Variants in NBPF11 observed in about 807,000 individuals in gnomAD.
NBPF11 encodes the protein NBPF family member NBPF11.
NBPF11 carries 72 observed loss-of-function variants against 93.9 expected under a neutral mutation model. The ratio of observed to expected loss-of-function variants is 0.77; its 90% confidence interval spans 0.63 to 0.93. The LOEUF is 0.93. Among genes scored for constraint, NBPF11 ranks in the 40% least tolerant of loss-of-function variants. NBPF11 has a pLI of 0.00. For missense variants in NBPF11, 705 were observed against 802.2 expected (o/e 0.88, Z 1.46); for synonymous variants, 224 against 304.9 (o/e 0.73, Z 2.76).
At chr1:148,110,984 A>T (rs1665113197) in intron 15 of NBPF11, among the ~76,000 whole-genome samples, 1 of 151,630 alleles carries the variant, frequency 6.6e-6, no homozygotes, top group Non-Finnish European at 1.5e-5. Flanking sequence ...TTACTTTTTC[A>T]ATTTCTTTTC....
rs1247412253 is a variant in NBPF11, at chr1:148,120,516, G to A, written c.973C>T (p.Gln325Ter). 6.9e-5 allele frequency: 63 copies of A among 915,662 alleles called. No homozygotes were observed. Among genetic ancestry groups the A allele is most frequent in the Non-Finnish European group, 1.1e-4 (61 of 542,824 alleles). 56.7% of individuals were successfully genotyped at this position (915,662 alleles called of 1,614,324 possible). A position where few individuals can be genotyped will look rare whatever the true frequency, so the allele number is the denominator to read the frequency against. ...VTQVACFLAK[Q>*]QNKYKYEECK... ...TAGATCTTACTGTATTTGTTCTGCTGCTTGGCCAGGAAGCAGGCCACTTGA... is the reference window on the plus strand; with the variant it reads ...TAGATCTTACTGTATTTGTTCTGCTACTTGGCCAGGAAGCAGGCCACTTGA... The change falls in exon 10 of 24, where the codon CAG becomes TAG. Residue 325 changes from glutamine to a stop codon, truncating the protein, a stop_gained. Coordinates refer to ENST00000682118, the MANE Select transcript of NBPF11 (RefSeq NM_001385469.3). LOFTEE classifies it high-confidence loss of function.
intron 2 of NBPF11, among the ~76,000 whole-genome samples, chr1:148,141,896 G>A (rs1345623733): frequency 6.6e-6 from 1 of 151,716 alleles, no homozygotes; most frequent in Non-Finnish European, 1.5e-5. Flanking sequence ...GTAGATTTCA[G>A]TGCAGTGTGG....
chr1:148,149,175 C>T lies in NBPF11; in HGVS notation c.-549+2575G>A, dbSNP rs1458179483. 1.6e-5 allele frequency: 26 copies of T among 1,589,392 alleles called. 1 individual carries two copies. In the East Asian group the frequency reaches 1.8e-4, roughly 11 times the overall value. ...GGCGCCGCCAGGTACGGCATCAGCC[C>T]GGACAGCATCATCCTGTACGGGCAG... On this transcript the variant is annotated intron_variant, in intron 1 of 23. Transcript: ENST00000682118.
At chr1:148,149,622 G>T in intron 1 of NBPF11, 18 of 1,519,236 alleles carry the variant, frequency 1.2e-5, no homozygotes, top group Non-Finnish European at 1.5e-5. Context: ...ACCTCACCCC[G>T]CGCCGGCCCC....
intron 4 of NBPF11, among the ~76,000 whole-genome samples, chr1:148,132,252 T>G (rs1670514521): frequency 6.8e-6 from 1 of 146,106 alleles, no homozygotes; most frequent in African/African-American, 2.6e-5. Flanking sequence ...TGTGTGTGTG[T>G]GTGGGGGTGT....
intron 3 of NBPF11, among the ~76,000 whole-genome samples, chr1:148,136,069 TAG>T (rs1671225109): frequency 6.6e-6 from 1 of 151,920 alleles, no homozygotes; most frequent in Non-Finnish European, 1.5e-5. Context: ...TACATGTATA[TAG>T]AGAGGCCTCT....
intron 9 of NBPF11, among the ~76,000 whole-genome samples, chr1:148,121,556 C>G (rs1469737049): frequency 4.0e-5 from 6 of 151,504 alleles, no homozygotes; most frequent in Admixed American, 3.3e-4. Flanking sequence ...GGGGTTTCAC[C>G]GTGTTAGCCA....
At chr1:148,113,352 A>C (rs1407901887) in intron 15 of NBPF11, among the ~76,000 whole-genome samples, 8 of 151,908 alleles carry the variant, frequency 5.3e-5, no homozygotes, top group African/African-American at 1.7e-4. Flanking sequence ...TTAAACCAAC[A>C]AAGATCAAAA....
At chr1:148,113,235 CAG>C in intron 15 of NBPF11, among the ~76,000 whole-genome samples, 2 of 152,010 alleles carry the variant, frequency 1.3e-5, no homozygotes, top group South Asian at 4.1e-4. Flanking sequence ...ATCTCACATG[CAG>C]AGACACACAT....
At chr1:148,125,384 C>T (rs1162002570) in intron 5 of NBPF11, among the ~76,000 whole-genome samples, 7 of 152,036 alleles carry the variant, frequency 4.6e-5, no homozygotes, top group African/African-American at 1.7e-4. Context: ...GTCAGGAAGG[C>T]CCCTAGGACT....
intron 1 of NBPF11, 132 bp from the exon 2 acceptor site, chr1:148,143,818 G>C (rs1375420030): frequency 3.9e-5 from 6 of 152,110 alleles, no homozygotes; most frequent in Non-Finnish European, 7.3e-5. Flanking sequence ...TGGGGAACTA[G>C]AGTTGGTTGG....
chr1:148,149,221 C>T (rs2149315907), intron 1 of NBPF11: 1 of 1,549,082 alleles, frequency 6.5e-7, no homozygotes, highest in Non-Finnish European at 8.7e-7. Flanking sequence ...CGGTGCCCAC[C>T]ATGGACCTGG....
intron 9 of NBPF11, among the ~76,000 whole-genome samples, chr1:148,121,676 C>T (rs1571445964): frequency 6.6e-6 from 1 of 151,844 alleles, no homozygotes; most frequent in African/African-American, 2.4e-5. Context: ...ATAGCTAAGA[C>T]AAGCCAATGA....
intron 1 of NBPF11, among the ~76,000 whole-genome samples, chr1:148,148,568 C>A (rs1647343352): frequency 6.6e-6 from 1 of 152,016 alleles, no homozygotes; most frequent in South Asian, 2.1e-4. Flanking sequence ...GGGGGTGCCA[C>A]CTCCGCAGCC....
At chr1:148,111,358 G>T (rs1297039743) in intron 15 of NBPF11, among the ~76,000 whole-genome samples, 1 of 152,112 alleles carries the variant, frequency 6.6e-6, no homozygotes, top group African/African-American at 2.4e-5. Flanking sequence ...CCAAAGGATC[G>T]CAGCTCCTCG....
At chr1:148,139,114 T>C (rs1671801801) in intron 2 of NBPF11, among the ~76,000 whole-genome samples, 1 of 151,558 alleles carries the variant, frequency 6.6e-6, no homozygotes, top group African/African-American at 2.4e-5. Flanking sequence ...TAAAATAAAA[T>C]AAAGACGGTT....
At chr1:148,120,391 A>G (rs1219143604) in intron 10 of NBPF11, 110 bp downstream of exon 10, 9 of 736,000 alleles carry the variant, frequency 1.2e-5, no homozygotes, top group Non-Finnish European at 2.3e-5. Context: ...CTGTTTTCCT[A>G]GAAGTATGGG....
At chr1:148,114,907 A>G (rs1666114903) in intron 14 of NBPF11, among the ~76,000 whole-genome samples, 1 of 151,570 alleles carries the variant, frequency 6.6e-6, no homozygotes, top group Non-Finnish European at 1.5e-5. Context: ...CTTGCTTTAA[A>G]AAGCATCTGT....
chr1:148,126,262 G>A (rs1245728373), intron 5 of NBPF11, among the ~76,000 whole-genome samples: 3 of 151,968 alleles, frequency 2.0e-5, no homozygotes, highest in African/African-American at 7.3e-5. Context: ...GCCTCCCAAA[G>A]TGCTGAGATT....
Sources: allele counts gnomAD v4.1 joint callset (sites outside exome capture counted in the v4.1 genomes callset), GRCh38; gene constraint gnomAD v4.1.1; transcripts MANE v1.5; gene names NCBI Gene and HGNC (gene_info 2026-07-23, HGNC 2026-07-21).